The following TOX variants were observed in gnomAD, a reference collection of about 807,000 sequenced individuals.
The protein encoded by TOX is thymocyte selection associated high mobility group box.
Under a neutral mutation model 53.7 loss-of-function variants are expected in TOX, and 11 were observed. The ratio of observed to expected loss-of-function variants is 0.20; its 90% CI spans 0.13 to 0.34. The LOEUF (loss-of-function observed/expected upper bound fraction) is 0.34. Among genes scored for constraint, TOX ranks in the 10% least tolerant of loss-of-function variants. The pLI is 1.00. For missense variants in TOX, 570 were observed against 664.6 expected, an observed-to-expected ratio of 0.86 and a Z score of 1.56; for synonymous variants, 225 against 245.3, an observed-to-expected ratio of 0.92 and a Z score of 0.77.
intron 1 of TOX, among the ~76,000 whole-genome samples, chr8:59,039,496 G>C (rs1261141714): frequency 6.6e-6 from 1 of 152,160 alleles, no homozygotes; most frequent in East Asian, 1.9e-4. Flanking sequence ...AAAAATTCTA[G>C]GATTTTTGTT....
intron 3 of TOX, among the ~76,000 whole-genome samples, chr8:58,865,727 AG>A (rs111652729): frequency 3.4e-4 from 51 of 151,964 alleles, no homozygotes; most frequent in African/African-American, 1.1e-3. Flanking sequence ...TGGAGTCGTT[AG>A]TAGAGATTTT....
rs1165895786 is a variant in TOX, at chr8:58,852,407, A to G, written c.412-602T>C. 2.6e-5 allele frequency among the ~76,000 whole-genome samples: 4 copies of G among 152,202 alleles called. No homozygotes were observed. The East Asian group carries it at 7.7e-4, about 29-fold the overall frequency. On this transcript the variant is annotated intron_variant, in intron 3 of 8. Transcript: ENST00000361421. ...GGTATTAACCAATTATTAATTGACT[A>G]TTGAAATGACTGCACAGTCAGACTT... is the stretch of plus-strand genomic sequence containing the variant.
intron 1 of TOX, among the ~76,000 whole-genome samples, chr8:58,982,338 C>T (rs1025789968): frequency 3.9e-5 from 6 of 152,186 alleles, no homozygotes; most frequent in South Asian, 2.1e-4. Context: ...TGGGAATGAG[C>T]GCCCTTCTAC....
At chr8:59,013,116 T>A (rs182826762) in intron 1 of TOX, among the ~76,000 whole-genome samples, 1 of 152,172 alleles carries the variant, frequency 6.6e-6, no homozygotes, top group Non-Finnish European at 1.5e-5. Context: ...AGCAATGTTT[T>A]CTCAATTCTT....
chr8:59,089,883 C>T (rs1029210631), intron 1 of TOX, among the ~76,000 whole-genome samples: 2 of 152,178 alleles, frequency 1.3e-5, no homozygotes, highest in African/African-American at 4.8e-5. Flanking sequence ...CATGCCCAGC[C>T]AAAACCAGAA....
At chr8:58,913,922 T>C (rs1811954276) in intron 3 of TOX, among the ~76,000 whole-genome samples, 2 of 152,218 alleles carry the variant, frequency 1.3e-5, no homozygotes, top group Admixed American at 6.5e-5. Flanking sequence ...ATATAAATCA[T>C]GTCCTGGTTA....
intron 7 of TOX, among the ~76,000 whole-genome samples, chr8:58,813,555 C>T (rs1489281914): frequency 6.6e-6 from 1 of 152,098 alleles, no homozygotes. Flanking sequence ...CAAGTATGTC[C>T]CTTTAATTGA....
chr8:58,987,993 AG>A, intron 1 of TOX, among the ~76,000 whole-genome samples: 1 of 152,370 alleles, frequency 6.6e-6, no homozygotes, highest in African/African-American at 2.4e-5. Flanking sequence ...AATCCAATCC[AG>A]GTCTTCTGAC....
At chr8:59,053,928 A>G (rs886499846) in intron 1 of TOX, among the ~76,000 whole-genome samples, 16 of 152,210 alleles carry the variant, frequency 1.1e-4, no homozygotes, top group African/African-American at 3.9e-4. Context: ...CATTTTCAAA[A>G]AGAAAATCTT....
intron 1 of TOX, among the ~76,000 whole-genome samples, chr8:59,108,806 T>G (rs1219654035): frequency 6.6e-6 from 1 of 152,154 alleles, no homozygotes; most frequent in Non-Finnish European, 1.5e-5. Flanking sequence ...AAGCAAGGAT[T>G]ACCTTCAATA....
chr8:58,865,580 T>C lies in TOX; in HGVS notation c.412-13775A>G, dbSNP rs770721623. 4.6e-5 allele frequency among the ~76,000 whole-genome samples: 7 copies of C among 152,110 alleles called. 1 individual carries two copies. Among genetic ancestry groups the C allele is most frequent in the South Asian group, 4.1e-4 (2 of 4,828 alleles). On this transcript the variant is annotated intron_variant, in intron 3 of 8. Coordinates refer to ENST00000361421, the MANE Select transcript of TOX (RefSeq NM_014729.3). The stretch of plus-strand genomic sequence containing the variant: ...TTATAATTGTGAAGTTTTGTGGTTA[T>C]GGAATATGGAACAGACTAAAGCAAT...
chr8:58,842,081 T>C (rs1171476172), intron 4 of TOX, among the ~76,000 whole-genome samples: 2 of 152,160 alleles, frequency 1.3e-5, no homozygotes, highest in Non-Finnish European at 2.9e-5. Context: ...ATTTAAATAG[T>C]TTTTGTGATG....
chr8:59,020,686 A>C (rs1166039547), intron 1 of TOX, among the ~76,000 whole-genome samples: 2 of 152,132 alleles, frequency 1.3e-5, no homozygotes, highest in Non-Finnish European at 2.9e-5. Flanking sequence ...TACCATGTGC[A>C]TACCACTACA....
chr8:58,907,934 G>A (rs920943035), intron 3 of TOX, among the ~76,000 whole-genome samples: 6 of 152,092 alleles, frequency 3.9e-5, no homozygotes, highest in Non-Finnish European at 5.9e-5. Flanking sequence ...ACTTTTTTCC[G>A]TCAACTTTTA....
intron 4 of TOX, among the ~76,000 whole-genome samples, chr8:58,848,393 T>TATGA (rs1288922000): frequency 6.6e-6 from 1 of 152,120 alleles, no homozygotes; most frequent in Non-Finnish European, 1.5e-5. Flanking sequence ...TTCATATTTA[T>TATGA]AGTAAGGTAA....
chr8:59,111,959 T>C (rs1389437107), intron 1 of TOX, among the ~76,000 whole-genome samples: 1 of 152,228 alleles, frequency 6.6e-6, no homozygotes, highest in Non-Finnish European at 1.5e-5. Context: ...CCTGGTTTCA[T>C]GACCTTTGAT....
intron 3 of TOX, among the ~76,000 whole-genome samples, chr8:58,877,338 G>A (rs780818307): frequency 7.2e-5 from 11 of 152,066 alleles, no homozygotes; most frequent in Non-Finnish European, 1.0e-4. Context: ...ACAGTGACAT[G>A]CACTTTACCA....
chr8:58,847,498 T>C (rs966525103), intron 4 of TOX, among the ~76,000 whole-genome samples: 2 of 151,942 alleles, frequency 1.3e-5, no homozygotes, highest in African/African-American at 4.8e-5. Flanking sequence ...ATGTAATACA[T>C]AGGGGCAAGG....
At chr8:58,965,686 T>G (rs77237412) in intron 1 of TOX, among the ~76,000 whole-genome samples, 6,172 of 152,072 alleles carry the variant, frequency 0.041, 349 homozygotes, top group African/African-American at 0.12. Context: ...AAGGGAAAAA[T>G]CTTACATTTC....
Sources: allele counts gnomAD v4.1 joint callset (sites outside exome capture counted in the v4.1 genomes callset), GRCh38; gene constraint gnomAD v4.1.1; transcripts MANE v1.5; gene names NCBI Gene and HGNC (gene_info 2026-07-23, HGNC 2026-07-21).